Variants in RSRC1 observed in about 807,000 individuals in gnomAD.
RSRC1 encodes arginine and serine rich coiled-coil 1, also known as serine/Arginine-related protein 53.
RSRC1 carries 39 observed loss-of-function variants against 49.1 expected under a neutral mutation model. The ratio of observed to expected loss-of-function variants is 0.79; its 90% confidence interval spans 0.61 to 1.04. RSRC1 has a LOEUF of 1.04. Among genes scored for constraint, RSRC1 ranks in the 50% least tolerant of loss-of-function variants. The pLI, the probability that RSRC1 is intolerant of heterozygous loss-of-function variation, is 0.00. For synonymous variants in RSRC1, 143 were observed against 130.8 expected, an observed-to-expected ratio of 1.09 and a Z score of -0.63; for missense variants, 388 against 402.4, an observed-to-expected ratio of 0.96 and a Z score of 0.31.
chr3:158,464,617 G>A (rs1737785932), intron 7 of RSRC1, among the ~76,000 whole-genome samples: 2 of 152,202 alleles, frequency 1.3e-5, no homozygotes, highest in Admixed American at 1.3e-4. Context: ...AGAGCTGATT[G>A]ACAAGAAGTA....
chr3:158,429,728 A>G (rs536528585), intron 6 of RSRC1, among the ~76,000 whole-genome samples: 1 of 151,368 alleles, frequency 6.6e-6, no homozygotes, highest in African/African-American at 2.4e-5. Context: ...CCAATCTGCC[A>G]ATAACATGGA....
intron 5 of RSRC1, among the ~76,000 whole-genome samples, chr3:158,312,086 T>C (rs185527305): frequency 6.6e-6 from 1 of 151,114 alleles, no homozygotes; most frequent in East Asian, 1.9e-4. Flanking sequence ...CTTGGTTTTA[T>C]AGAGTGTTAT....
intron 6 of RSRC1, among the ~76,000 whole-genome samples, chr3:158,366,841 A>T (rs1298827537): frequency 6.6e-6 from 1 of 152,022 alleles, no homozygotes; most frequent in African/African-American, 2.4e-5. Context: ...AGTGGTTTGT[A>T]GTTCTTGAAG....
At chr3:158,439,328 G>C (rs1187711789) in intron 6 of RSRC1, among the ~76,000 whole-genome samples, 1 of 152,076 alleles carries the variant, frequency 6.6e-6, no homozygotes, top group South Asian at 2.1e-4. Context: ...CTACCCAAAG[G>C]ACTATAAATC....
chr3:158,350,712 A>AT (rs1022755474), intron 5 of RSRC1, among the ~76,000 whole-genome samples: 11 of 152,044 alleles, frequency 7.2e-5, no homozygotes, highest in Non-Finnish European at 1.3e-4. Context: ...CCCATTTAAA[A>AT]TTTTTTTTGA....
intron 4 of RSRC1, among the ~76,000 whole-genome samples, chr3:158,233,215 A>G (rs1269962008): frequency 6.6e-6 from 1 of 152,074 alleles, no homozygotes; most frequent in African/African-American, 2.4e-5. Flanking sequence ...AGATATTCCC[A>G]CCACCAGTGG....
chr3:158,326,296 A>C (rs945045563), intron 5 of RSRC1, among the ~76,000 whole-genome samples: 6 of 152,084 alleles, frequency 3.9e-5, no homozygotes, highest in African/African-American at 9.7e-5. Flanking sequence ...GAGGACATCC[A>C]TGTCTTGTGC....
intron 3 of RSRC1, among the ~76,000 whole-genome samples, chr3:158,131,340 G>T (rs1182704980): frequency 6.6e-6 from 1 of 151,504 alleles, no homozygotes; most frequent in Non-Finnish European, 1.5e-5. Flanking sequence ...GATGATTATG[G>T]TTTATTTTTG....
chr3:158,454,993 C>G (rs1328675670), intron 6 of RSRC1, among the ~76,000 whole-genome samples: 1 of 152,052 alleles, frequency 6.6e-6, no homozygotes, highest in African/African-American at 2.4e-5. Context: ...CTGCCTGCAC[C>G]CCTACTTATC....
intron 6 of RSRC1, among the ~76,000 whole-genome samples, chr3:158,371,575 TTTATTGC>T (rs1179370719): frequency 6.6e-6 from 1 of 151,912 alleles, no homozygotes; most frequent in Admixed American, 6.6e-5. Flanking sequence ...TTATTTACTT[TTTATTGC>T]TGAGTAGTAT....
chr3:158,339,088 T>C (rs6785063), intron 5 of RSRC1, among the ~76,000 whole-genome samples: 79,005 of 151,266 alleles, frequency 0.52, 20,958 homozygotes, highest in African/African-American at 0.61. Flanking sequence ...GTCAGGAGAT[T>C]GAGACCATCC....
intron 7 of RSRC1, among the ~76,000 whole-genome samples, chr3:158,488,199 T>C (rs573695917): frequency 1.1e-3 from 164 of 152,214 alleles, no homozygotes; most frequent in African/African-American, 3.5e-3. Flanking sequence ...TCTTTTTATA[T>C]ATGTGCAAGG....
At chr3:158,351,920 T>TATATAAATATATATAATAGATAATTATA (rs1730902243) in intron 5 of RSRC1, among the ~76,000 whole-genome samples, 1 of 147,136 alleles carries the variant, frequency 6.8e-6, no homozygotes, top group South Asian at 2.1e-4. Flanking sequence ...AAATATTATA[T>TATATAAATATATATAATAGATAATTATA]ATATATAAAT....
At chr3:158,261,045 A>G (rs1451857841) in intron 4 of RSRC1, among the ~76,000 whole-genome samples, 4 of 151,968 alleles carry the variant, frequency 2.6e-5, no homozygotes, top group Non-Finnish European at 5.9e-5. Context: ...TGCTTACCTG[A>G]TTTGGGCTTT....
chr3:158,397,768 C>G (rs775307041), intron 6 of RSRC1, among the ~76,000 whole-genome samples: 1 of 152,054 alleles, frequency 6.6e-6, no homozygotes, highest in Non-Finnish European at 1.5e-5. Context: ...CTTCTCTTTC[C>G]CTTCTCCCTA....
intron 7 of RSRC1, among the ~76,000 whole-genome samples, chr3:158,474,844 T>A (rs1738296485): frequency 6.6e-6 from 1 of 152,136 alleles, no homozygotes; most frequent in Non-Finnish European, 1.5e-5. Context: ...TTTGACCAAA[T>A]CTCCCTGTGA....
At chr3:158,369,392 C>A (rs534371945) in intron 6 of RSRC1, among the ~76,000 whole-genome samples, 1 of 151,854 alleles carries the variant, frequency 6.6e-6, no homozygotes, top group Non-Finnish European at 1.5e-5. Flanking sequence ...GAATACTTTC[C>A]CAGGTCTGAT....
At chr3:158,284,302 G>T (rs569477744) in intron 4 of RSRC1, among the ~76,000 whole-genome samples, 74 of 151,632 alleles carry the variant, frequency 4.9e-4, no homozygotes, top group African/African-American at 1.7e-3. Context: ...TTGTTGGACA[G>T]TTGGACTGGT....
chr3:158,502,136 A>G (rs144780594), intron 7 of RSRC1, among the ~76,000 whole-genome samples: 1 of 152,164 alleles, frequency 6.6e-6, no homozygotes, highest in Non-Finnish European at 1.5e-5. Context: ...TAGTTTTGCT[A>G]GATACAAAAT....
Sources: allele counts gnomAD v4.1 joint callset (sites outside exome capture counted in the v4.1 genomes callset), GRCh38; gene constraint gnomAD v4.1.1; transcripts MANE v1.5; gene names NCBI Gene and HGNC (gene_info 2026-07-23, HGNC 2026-07-21).